Variants in DLG2 observed in about 807,000 individuals in gnomAD.
The protein encoded by DLG2 is discs large MAGUK scaffold protein 2.
In DLG2, 45 loss-of-function variants were observed where a neutral mutation model predicts 132.5. The ratio of observed to expected loss-of-function variants is 0.34; its 90% confidence interval spans 0.27 to 0.44. DLG2 has a LOEUF of 0.44. DLG2 is among the 20% of genes least tolerant of loss of function. DLG2 has a pLI of 1.00. For synonymous variants in DLG2, 424 were observed against 419.6 expected (o/e 1.01, Z -0.13); for missense variants, 1,045 against 1,196.9 (o/e 0.87, Z 1.87).
At chr11:84,815,360 T>C (rs1362438989) in intron 6 of DLG2, among the ~76,000 whole-genome samples, 1 of 152,080 alleles carries the variant, frequency 6.6e-6, no homozygotes, top group East Asian at 1.9e-4. Flanking sequence ...TAGTCAAAAT[T>C]TGATGACATC....
intron 21 of DLG2, among the ~76,000 whole-genome samples, chr11:83,523,489 C>T (rs973421079): frequency 6.6e-6 from 1 of 152,114 alleles, no homozygotes; most frequent in Non-Finnish European, 1.5e-5. Flanking sequence ...TGCACAATAA[C>T]AATATGTAAT....
intron 9 of DLG2, among the ~76,000 whole-genome samples, chr11:84,114,712 T>C (rs182023561): frequency 2.0e-5 from 3 of 152,334 alleles, no homozygotes; most frequent in Non-Finnish European, 4.4e-5. Context: ...TTTTTTTCTT[T>C]TTGTTTCTTT....
chr11:85,084,601 T>C (rs1283422362), intron 6 of DLG2, among the ~76,000 whole-genome samples: 1 of 152,092 alleles, frequency 6.6e-6, no homozygotes, highest in East Asian at 1.9e-4. Context: ...AGCATGGTTT[T>C]GACAGACAAA....
intron 5 of DLG2, among the ~76,000 whole-genome samples, chr11:85,116,281 T>A (rs1042071337): frequency 2.0e-5 from 3 of 151,990 alleles, no homozygotes; most frequent in South Asian, 2.1e-4. Flanking sequence ...ACTTTCTGAC[T>A]TCTAGTCCAA....
chr11:84,125,888 G>T (rs1276107955), intron 9 of DLG2, among the ~76,000 whole-genome samples: 1 of 152,186 alleles, frequency 6.6e-6, no homozygotes, highest in Non-Finnish European at 1.5e-5. Flanking sequence ...TGATTATGGA[G>T]TAATATAATG....
At chr11:83,790,771 C>A in intron 17 of DLG2, 1 of 758,160 alleles carries the variant, frequency 1.3e-6, no homozygotes, top group South Asian at 1.4e-5. Context: ...AGGTTCTGGT[C>A]TGCCTGACTC....
At chr11:83,968,197 C>G (rs1035947089) in intron 12 of DLG2, among the ~76,000 whole-genome samples, 1 of 152,146 alleles carries the variant, frequency 6.6e-6, no homozygotes, top group Admixed American at 6.6e-5. Flanking sequence ...TACTTTGCAG[C>G]ACTACTATTC....
chr11:84,308,353 C>T (rs748785952), intron 7 of DLG2, among the ~76,000 whole-genome samples: 1 of 152,220 alleles, frequency 6.6e-6, no homozygotes, highest in African/African-American at 2.4e-5. Context: ...AATCCCTGAG[C>T]TAGACACAGG....
chr11:83,802,956 T>C (rs2044877136), intron 17 of DLG2, among the ~76,000 whole-genome samples: 1 of 152,134 alleles, frequency 6.6e-6, no homozygotes, highest in Non-Finnish European at 1.5e-5. Context: ...TAACAGTATG[T>C]GAATATTTTT....
chr11:85,452,223 T>C (rs2092272742), intron 3 of DLG2: 1 of 152,038 alleles, frequency 6.6e-6, no homozygotes, highest in African/African-American at 2.4e-5. Flanking sequence ...AACAAACATC[T>C]TGGGAAAAAC....
At chr11:84,435,321 C>G (rs1567626518) in intron 7 of DLG2, among the ~76,000 whole-genome samples, 1 of 152,100 alleles carries the variant, frequency 6.6e-6, no homozygotes, top group Non-Finnish European at 1.5e-5. Context: ...ATTAGGTATA[C>G]AAAATAAATG....
intron 15 of DLG2, among the ~76,000 whole-genome samples, chr11:83,910,135 T>A (rs906410949): frequency 2.0e-5 from 3 of 151,898 alleles, no homozygotes; most frequent in Non-Finnish European, 4.4e-5. Flanking sequence ...GTAGACTACA[T>A]TGAAAAGTTG....
chr11:84,044,364 G>A (rs1212287842), intron 11 of DLG2, among the ~76,000 whole-genome samples: 1 of 151,752 alleles, frequency 6.6e-6, no homozygotes, highest in Non-Finnish European at 1.5e-5. Context: ...TGATTGGGCA[G>A]CTCAATTGGA....
intron 18 of DLG2, among the ~76,000 whole-genome samples, chr11:83,668,025 C>T (rs1439590025): frequency 1.4e-5 from 2 of 141,262 alleles, no homozygotes; most frequent in African/African-American, 5.2e-5. Flanking sequence ...GAAATGACGG[C>T]CCCTGGCTGC....
intron 6 of DLG2, among the ~76,000 whole-genome samples, chr11:84,748,629 A>T (rs1168768285): frequency 6.6e-6 from 1 of 152,198 alleles, no homozygotes; most frequent in Non-Finnish European, 1.5e-5. Context: ...GACCTAAAAC[A>T]TAAATAAATT....
chr11:84,840,596 G>A (rs1030593792), intron 6 of DLG2, among the ~76,000 whole-genome samples: 1 of 152,100 alleles, frequency 6.6e-6, no homozygotes, highest in Non-Finnish European at 1.5e-5. Context: ...CAACCCAAAT[G>A]TCAATCAATA....
At chr11:84,506,033 C>T (rs1032598621) in intron 7 of DLG2, among the ~76,000 whole-genome samples, 1 of 150,464 alleles carries the variant, frequency 6.6e-6, no homozygotes, top group Admixed American at 6.6e-5. Flanking sequence ...GGCGAGTTTA[C>T]GCTGGGTTAC....
intron 15 of DLG2, among the ~76,000 whole-genome samples, chr11:83,883,244 G>C (rs550156802): frequency 1.3e-5 from 2 of 152,068 alleles, no homozygotes; most frequent in South Asian, 4.1e-4. Context: ...TCAACGTCTG[G>C]CCACAGTTTT....
intron 15 of DLG2, among the ~76,000 whole-genome samples, chr11:83,929,692 A>G (rs1333176014): frequency 6.6e-6 from 1 of 152,160 alleles, no homozygotes; most frequent in Non-Finnish European, 1.5e-5. Context: ...CTGAACTTCT[A>G]TTTCTTAAAA....
Sources: allele counts gnomAD v4.1 joint callset (sites outside exome capture counted in the v4.1 genomes callset), GRCh38; gene constraint gnomAD v4.1.1; transcripts MANE v1.5; gene names NCBI Gene and HGNC (gene_info 2026-07-23, HGNC 2026-07-21).